HRH2: variants seen among roughly 807,000 people sequenced by gnomAD.
The protein encoded by HRH2 is histamine receptor H2.
A neutral mutation model predicts 20.1 loss-of-function variants in HRH2; 4 were observed. The observed-to-expected ratio is 0.20, with a 90% CI of 0.10 to 0.45. The LOEUF (loss-of-function observed/expected upper bound fraction) is 0.45. Among genes scored for constraint, HRH2 ranks in the 20% least tolerant of loss-of-function variants. The pLI is 0.99. For missense variants in HRH2, 250 were observed against 461.6 expected, an observed-to-expected ratio of 0.54 and a Z score of 4.20; for synonymous variants, 197 against 200.7, an observed-to-expected ratio of 0.98 and a Z score of 0.16.
intron 1 of HRH2, among the ~76,000 whole-genome samples, chr5:175,673,697 T>G (rs1396889597): frequency 2.8e-5 from 4 of 142,820 alleles, no homozygotes; most frequent in East Asian, 2.0e-4. Flanking sequence ...TTCACCTCAG[T>G]TTTTTTTTTT....
At chr5:175,692,524 A>G (rs1756422970) in intron 2 of HRH2, among the ~76,000 whole-genome samples, 1 of 152,224 alleles carries the variant, frequency 6.6e-6, no homozygotes, top group Non-Finnish European at 1.5e-5. Context: ...CCCTGAGAGA[A>G]TTAGGATAAG....
chr5:175,687,829 C>G lies in HRH2; in HGVS notation c.1076+3520C>G, dbSNP rs929506135. On this transcript the variant is annotated intron_variant, in intron 2 of 2. Coordinates refer to ENST00000636584, the MANE Select transcript of HRH2 (RefSeq NM_001367711.1). The surrounding 1 kb of genome is among the most constrained non-coding windows in gnomAD (Gnocchi z 5.2). ...AGGACCCTCCTCTGCCTCCCACGGC[C>G]GCCTGCACATAGGTAGCCCTGTGTC... Among the ~76,000 whole-genome samples the G allele has an allele frequency of 1.3e-5, 2 of 152,182 alleles. No homozygotes were observed. The highest frequency in any genetic ancestry group is 4.8e-5 in the African/African-American group (2 of 41,448).
At chr5:175,689,268 C>G (rs992716184) in intron 2 of HRH2, among the ~76,000 whole-genome samples, 3 of 152,234 alleles carry the variant, frequency 2.0e-5, no homozygotes, top group Non-Finnish European at 4.4e-5. Flanking sequence ...CTCTGGCCCC[C>G]CTCAGCCCAC....
At chr5:175,667,303 G>A (rs1415898823) in intron 1 of HRH2, among the ~76,000 whole-genome samples, 2 of 152,054 alleles carry the variant, frequency 1.3e-5, no homozygotes, top group African/African-American at 4.8e-5. Context: ...AATTAGCTGG[G>A]CGTGGTGGCA....
rs77692792 is a variant in HRH2 at position 175,707,729 on chromosome 5, C to T, written c.1077-50C>T. 170 of 396,752 alleles carry T rather than the reference C, an allele frequency of 4.3e-4. 1 individual carries two copies. The highest frequency in any genetic ancestry group is 3.0e-3 in the African/African-American group (147 of 48,506). The allele number at this position is 396,752 out of a possible 1,614,324, so 24.6% of individuals were successfully genotyped here. A position where few individuals can be genotyped will look rare whatever the true frequency, so the allele number is the denominator to read the frequency against. ...TGAGAGGCTAAACCTGGTCTGCCCC[C>T]GCCTTGCTCTGTGGCCACCTCAGCC... On this transcript the variant is annotated intron_variant, in intron 2 of 2. Coordinates refer to ENST00000636584, the MANE Select transcript of HRH2 (RefSeq NM_001367711.1).
chr5:175,696,391 A>G (rs1018930130), intron 2 of HRH2, among the ~76,000 whole-genome samples: 31 of 152,176 alleles, frequency 2.0e-4, no homozygotes, highest in Admixed American at 5.2e-4. Flanking sequence ...TAAGGCAGGG[A>G]GCCCCCCACT....
chr5:175,670,302 A>C (rs1354701583), intron 1 of HRH2, among the ~76,000 whole-genome samples: 1 of 152,144 alleles, frequency 6.6e-6, no homozygotes, highest in Non-Finnish European at 1.5e-5. Flanking sequence ...CTGGAAATCT[A>C]GACTTTTTAC....
intron 1 of HRH2, among the ~76,000 whole-genome samples, chr5:175,659,163 C>T (rs1762659837): frequency 6.6e-6 from 1 of 152,172 alleles, no homozygotes; most frequent in African/African-American, 2.4e-5. Flanking sequence ...AAGCTTCAGC[C>T]TCCACTGCAC....
intron 2 of HRH2, among the ~76,000 whole-genome samples, chr5:175,694,141 C>A (rs190536798): frequency 5.1e-4 from 78 of 152,292 alleles, no homozygotes; most frequent in African/African-American, 1.5e-3. Context: ...TGGAGCTTGG[C>A]GCACACACCT....
At chr5:175,661,574 G>A (rs1443674533) in intron 1 of HRH2, among the ~76,000 whole-genome samples, 2 of 152,166 alleles carry the variant, frequency 1.3e-5, no homozygotes, top group Non-Finnish European at 2.9e-5. Flanking sequence ...GGGTCAGGAA[G>A]GGCTGACAGA....
intron 1 of HRH2, among the ~76,000 whole-genome samples, chr5:175,670,339 G>C (rs562803718): frequency 6.6e-6 from 1 of 151,820 alleles, no homozygotes; most frequent in Admixed American, 6.6e-5. Context: ...GTTAAATGTT[G>C]CTTCTTAAAA....
chr5:175,687,652 C>T lies in HRH2; in HGVS notation c.1076+3343C>T, dbSNP rs1756218661. 6.6e-6 allele frequency among the ~76,000 whole-genome samples: 1 copy of T among 152,128 alleles called. No individual in the cohort carries two copies. Among genetic ancestry groups the T allele is most frequent in the Non-Finnish European group, 1.5e-5 (1 of 68,008 alleles). On this transcript the variant is annotated intron_variant, in intron 2 of 2. Coordinates refer to ENST00000636584, the MANE Select transcript of HRH2 (RefSeq NM_001367711.1). This position sits in a 1 kb window ranked among gnomAD's most constrained non-coding sequence, Gnocchi z 5.2. ...ACCTGCTGGCTGCCTTATGGGCAGA[C>T]ACCATCCGCCCCTTCCTGACCCCTA...
chr5:175,691,124 C>T (rs920172280), intron 2 of HRH2: 3 of 152,336 alleles, frequency 2.0e-5, no homozygotes, highest in Admixed American at 1.3e-4. Flanking sequence ...TCCCTGCCCG[C>T]CCAGCTTCTC....
chr5:175,678,589 C>G (rs1561726709), intron 1 of HRH2, among the ~76,000 whole-genome samples: 1 of 152,248 alleles, frequency 6.6e-6, no homozygotes, highest in Non-Finnish European at 1.5e-5. Context: ...TCACAGTGTC[C>G]GTTCTGTAGA....
chr5:175,699,551 C>A (rs1756724750), intron 2 of HRH2, among the ~76,000 whole-genome samples: 1 of 142,926 alleles, frequency 7.0e-6, no homozygotes, highest in Non-Finnish European at 1.5e-5. Flanking sequence ...CACCCAGTCC[C>A]TCTGCTGTCG....
intron 2 of HRH2, among the ~76,000 whole-genome samples, chr5:175,689,264 C>T (rs1756280717): frequency 6.6e-6 from 1 of 151,918 alleles, no homozygotes; most frequent in African/African-American, 2.4e-5. Context: ...GCCCCTCTGG[C>T]CCCCCTCAGC....
chr5:175,702,719 TTTTTTC>T (rs1436099647), intron 2 of HRH2, among the ~76,000 whole-genome samples: 72 of 135,234 alleles, frequency 5.3e-4, no homozygotes, highest in African/African-American at 2.4e-3. Context: ...GCCTGGCTAA[TTTTTTC>T]TTTTTTTTTT....
chr5:175,690,490 G>A (rs529324948), intron 2 of HRH2, among the ~76,000 whole-genome samples: 11 of 152,276 alleles, frequency 7.2e-5, no homozygotes, highest in African/African-American at 2.4e-4. Flanking sequence ...TTCAGCAAAC[G>A]AGAATTTTCA....
At chr5:175,690,592 T>G (rs1356121462) in intron 2 of HRH2, among the ~76,000 whole-genome samples, 1 of 152,200 alleles carries the variant, frequency 6.6e-6, no homozygotes, top group African/African-American at 2.4e-5. Context: ...TATAACAGTT[T>G]TATCAAGCTA....
Sources: gnomAD v4.1 joint callset for allele counts (sites outside exome capture counted in the v4.1 genomes callset) on GRCh38, gnomAD v4.1.1 for gene constraint, Gnocchi (gnomAD v3.1) non-coding constraint, MANE v1.5 for transcripts, NCBI Gene and HGNC (gene_info 2026-07-23, HGNC 2026-07-21) for gene names.